The following KLHL22 variants were observed in gnomAD, a reference collection of about 807,000 sequenced individuals.
KLHL22 encodes kelch-like protein 22.
A neutral mutation model predicts 60.7 loss-of-function variants in KLHL22; 18 were observed. The observed-to-expected ratio is 0.30, with a 90% CI of 0.20 to 0.44. KLHL22 has a LOEUF of 0.44. Ranked by LOEUF, KLHL22 falls within the 20% of genes least tolerant of loss-of-function variation. The pLI, the probability that KLHL22 is intolerant of heterozygous loss-of-function variation, is 1.00. For synonymous variants in KLHL22, 355 were observed against 354.5 expected (o/e 1.00, Z -0.01); for missense variants, 596 against 852.3 (o/e 0.70, Z 3.74).
chr22:20,483,971 C>T (rs2053546749), intron 2 of KLHL22: 2 of 692,482 alleles, frequency 2.9e-6, no homozygotes, highest in South Asian at 1.5e-5. Flanking sequence ...ACACGAAGAT[C>T]CAGGAACCAG....
At chr22:20,444,776 C>G (rs2052828130) in intron 6 of KLHL22, among the ~76,000 whole-genome samples, 1 of 119,356 alleles carries the variant, frequency 8.4e-6, no homozygotes, top group Non-Finnish European at 2.0e-5. Flanking sequence ...ATGGGATGCT[C>G]TTTTTTGTTT....
chr22:20,484,767 T>C (rs1184066653), intron 2 of KLHL22, among the ~76,000 whole-genome samples: 1 of 150,956 alleles, frequency 6.6e-6, no homozygotes, highest in Non-Finnish European at 1.5e-5. Flanking sequence ...AGAGGTCTCT[T>C]ACTTTGTCAT....
intron 3 of KLHL22, among the ~76,000 whole-genome samples, chr22:20,470,794 G>GGATA (rs2053310272): frequency 1.4e-5 from 2 of 144,508 alleles, no homozygotes; most frequent in Non-Finnish European, 3.0e-5. Flanking sequence ...ATAGATGGAT[G>GGATA]GATGGATGGA....
At chr22:20,489,626 C>A in intron 1 of KLHL22, 1 of 464,538 alleles carries the variant, frequency 2.2e-6, no homozygotes, top group South Asian at 1.6e-5. Flanking sequence ...GTACCTACCC[C>A]ATTGGGGTAT....
chr22:20,484,748 T>TA (rs1440079341), intron 2 of KLHL22, among the ~76,000 whole-genome samples: 1 of 141,470 alleles, frequency 7.1e-6, no homozygotes, highest in Non-Finnish European at 1.5e-5. Context: ...TTTTTTTTTT[T>TA]ACGAGAAAAG....
chr22:20,493,298 CTT>C, intron 1 of KLHL22: 1 of 465,920 alleles, frequency 2.1e-6, no homozygotes, highest in Non-Finnish European at 4.4e-6. Context: ...ATTTAAGAAA[CTT>C]AGCTAGGGGC....
intron 4 of KLHL22, among the ~76,000 whole-genome samples, chr22:20,460,851 G>A (rs1286926100): frequency 1.3e-5 from 2 of 152,068 alleles, no homozygotes; most frequent in East Asian, 3.8e-4. Flanking sequence ...TTTACTTATT[G>A]CTATGGACTA....
intron 2 of KLHL22, among the ~76,000 whole-genome samples, chr22:20,478,774 A>G (rs2053453819): frequency 6.9e-6 from 1 of 144,970 alleles, no homozygotes; most frequent in African/African-American, 2.5e-5. Flanking sequence ...TCGGCCTCCC[A>G]AAGTGCTGGG....
At chr22:20,451,584 C>T (rs545122496) in intron 5 of KLHL22, 375 of 1,595,146 alleles carry the variant, frequency 2.4e-4, no homozygotes, top group Non-Finnish European at 3.1e-4. Context: ...ACCTTTCTTC[C>T]GTTGAAGCAT....
chr22:20,494,466 C>G (rs371237559), intron 1 of KLHL22, among the ~76,000 whole-genome samples: 79 of 152,198 alleles, frequency 5.2e-4, no homozygotes, highest in African/African-American at 1.8e-3. Context: ...CTGCAGCCTT[C>G]ATCTCCTGGG....
At chr22:20,443,738 AC>A (rs1431587702) in intron 6 of KLHL22, among the ~76,000 whole-genome samples, 1 of 146,884 alleles carries the variant, frequency 6.8e-6, no homozygotes, top group Non-Finnish European at 1.5e-5. Flanking sequence ...TCTGTCTCAA[AC>A]AAACAAACAA....
rs192130401 is a variant in KLHL22, at chr22:20,494,194, G to A, written c.-34+1566C>T. Reference sequence around the variant, plus strand: ...AAGACCACCTTGGGCAATATAGCGCGACCCTTTCTCTACAAAAAATTTAAA... The same window carrying A: ...AAGACCACCTTGGGCAATATAGCGCAACCCTTTCTCTACAAAAAATTTAAA... On this transcript the variant is annotated intron_variant, in intron 1 of 6. Transcript: ENST00000328879. Among the ~76,000 whole-genome samples the A allele has an allele frequency of 5.9e-5, 9 of 152,004 alleles. No individual in the cohort carries two copies. The East Asian group carries it at 1.2e-3, about 20-fold the overall frequency.
At chr22:20,449,443 C>G (rs1388905870) in intron 5 of KLHL22, among the ~76,000 whole-genome samples, 2 of 151,940 alleles carry the variant, frequency 1.3e-5, no homozygotes, top group Non-Finnish European at 2.9e-5. Context: ...CTCTGTCGCC[C>G]AGGCTGGAGT....
At chr22:20,451,235 G>C in intron 5 of KLHL22, 1 of 1,602,444 alleles carries the variant, frequency 6.2e-7, no homozygotes, top group Non-Finnish European at 8.6e-7. Context: ...GGTCTTGCTG[G>C]AGCCACCACC....
Position 20,475,918 on chromosome 22 carries a change from C to T in KLHL22, c.228-4403G>A, listed in dbSNP as rs541028364. Among the ~76,000 whole-genome samples, 7 of 152,266 alleles carry T rather than the reference C, an allele frequency of 4.6e-5. No homozygotes were observed. In the South Asian group the frequency reaches 8.3e-4, roughly 18 times the overall value. ...ACATAGGACAGGAATAGTCTCCTTT[C>T]GTTACTTTTGTTTTCGACAATTTCC... On this transcript the variant is annotated intron_variant, in intron 2 of 6. Transcript: ENST00000328879.
At chr22:20,492,499 C>G (rs968918920) in intron 1 of KLHL22, among the ~76,000 whole-genome samples, 1 of 152,214 alleles carries the variant, frequency 6.6e-6, no homozygotes, top group African/African-American at 2.4e-5. Flanking sequence ...TTCTGTCTCT[C>G]ATAGTCCCAT....
intron 2 of KLHL22, among the ~76,000 whole-genome samples, chr22:20,485,750 C>T (rs1398718144): frequency 1.3e-5 from 2 of 152,012 alleles, no homozygotes; most frequent in Admixed American, 6.6e-5. Context: ...CGTCTGTAAT[C>T]CCAGCTACTC....
intron 4 of KLHL22, among the ~76,000 whole-genome samples, chr22:20,459,002 A>T (rs1419066182): frequency 6.6e-6 from 1 of 152,080 alleles, no homozygotes; most frequent in Non-Finnish European, 1.5e-5. Flanking sequence ...GCCAGGACCC[A>T]AGGAGGGCTC....
intron 4 of KLHL22, among the ~76,000 whole-genome samples, chr22:20,462,185 G>A (rs2053165464): frequency 6.7e-6 from 1 of 150,256 alleles, no homozygotes; most frequent in African/African-American, 2.5e-5. Context: ...GCTGAGGCAG[G>A]AGAATGGCTT....
Sources: gnomAD v4.1 joint callset for allele counts (sites outside exome capture counted in the v4.1 genomes callset) on GRCh38, gnomAD v4.1.1 for gene constraint, MANE v1.5 for transcripts, NCBI Gene and HGNC (gene_info 2026-07-23, HGNC 2026-07-21) for gene names.